The following NCK2 variants were observed in gnomAD, a reference collection of about 807,000 sequenced individuals.
NCK2 encodes NCK adaptor protein 2.
A neutral mutation model predicts 33.9 loss-of-function variants in NCK2; 16 were observed. The ratio of observed to expected loss-of-function variants is 0.47; its 90% confidence interval spans 0.32 to 0.72. NCK2 has a LOEUF of 0.72. NCK2 is among the 30% of genes least tolerant of loss of function. The probability of loss-of-function intolerance (pLI) is 0.03; values close to 1 mark genes in which losing one functional copy is unlikely to be tolerated. For missense variants in NCK2, 418 were observed against 537.3 expected, an observed-to-expected ratio of 0.78 and a Z score of 2.19; for synonymous variants, 273 against 239.9, an observed-to-expected ratio of 1.14 and a Z score of -1.27.
At chr2:105,840,041 A>G (rs1469240572) in intron 2 of NCK2, among the ~76,000 whole-genome samples, 1 of 152,160 alleles carries the variant, frequency 6.6e-6, no homozygotes, top group Admixed American at 6.5e-5. Context: ...CAATTAGTGG[A>G]GGCTCAAAGA....
intron 2 of NCK2, among the ~76,000 whole-genome samples, chr2:105,843,324 C>A (rs528072166): frequency 6.7e-6 from 1 of 149,884 alleles, no homozygotes; most frequent in Non-Finnish European, 1.5e-5. Context: ...GTTTTGGATT[C>A]GGAGCATTTT....
At chr2:105,869,768 G>A (rs1043851650) in intron 3 of NCK2, among the ~76,000 whole-genome samples, 1 of 152,076 alleles carries the variant, frequency 6.6e-6, no homozygotes, top group Non-Finnish European at 1.5e-5. Context: ...TGGGCTCATG[G>A]ATCTGGTATA....
intron 1 of NCK2, among the ~76,000 whole-genome samples, chr2:105,776,435 G>A (rs549012767): frequency 6.5e-4 from 99 of 152,266 alleles, no homozygotes; most frequent in South Asian, 4.1e-3. Context: ...CAGGGTGGCC[G>A]CCCTCCAGGG....
chr2:105,759,549 A>G (rs1461462121), intron 1 of NCK2, among the ~76,000 whole-genome samples: 1 of 152,246 alleles, frequency 6.6e-6, no homozygotes, highest in Non-Finnish European at 1.5e-5. Flanking sequence ...AGTTTCAAAG[A>G]TAATACAGAG....
intron 1 of NCK2, among the ~76,000 whole-genome samples, chr2:105,779,710 A>G (rs556178409): frequency 6.6e-6 from 1 of 152,094 alleles, no homozygotes; most frequent in South Asian, 2.1e-4. Flanking sequence ...TTTTCCCACT[A>G]ATCAGCTTTT....
At chr2:105,763,220 A>G (rs1689824200) in intron 1 of NCK2, among the ~76,000 whole-genome samples, 2 of 151,996 alleles carry the variant, frequency 1.3e-5, no homozygotes, top group Admixed American at 1.3e-4. Context: ...AAACAAAAGC[A>G]CCCTGAGGAG....
intron 3 of NCK2, among the ~76,000 whole-genome samples, chr2:105,879,342 A>G (rs981891551): frequency 6.6e-6 from 1 of 152,178 alleles, no homozygotes; most frequent in Non-Finnish European, 1.5e-5. Flanking sequence ...TGCCTTCTGG[A>G]CAAAAAAGTT....
chr2:105,862,029 G>T (rs1481720769), intron 3 of NCK2, among the ~76,000 whole-genome samples: 1 of 151,354 alleles, frequency 6.6e-6, no homozygotes, highest in Non-Finnish European at 1.5e-5. Context: ...ACTGCAACCA[G>T]GGAAGGCAGC....
chr2:105,748,889 G>A (rs538422382), intron 1 of NCK2, among the ~76,000 whole-genome samples: 1 of 152,292 alleles, frequency 6.6e-6, no homozygotes, highest in South Asian at 2.1e-4. Context: ...AGATTCAAGT[G>A]GTAAGAGACC....
intron 1 of NCK2, among the ~76,000 whole-genome samples, chr2:105,766,145 C>T (rs1478923473): frequency 6.6e-6 from 1 of 151,988 alleles, no homozygotes; most frequent in Non-Finnish European, 1.5e-5. Context: ...AGGGGAGGCG[C>T]AGGTGGGGCT....
At chr2:105,806,118 A>G (rs889916158) in intron 1 of NCK2, among the ~76,000 whole-genome samples, 6 of 152,038 alleles carry the variant, frequency 3.9e-5, no homozygotes, top group African/African-American at 7.3e-5. Flanking sequence ...GTGCTCAAAA[A>G]TTATCAGATT....
intron 3 of NCK2, 125 bp from the exon 4 acceptor site, chr2:105,881,203 G>A: frequency 1.5e-6 from 2 of 1,310,798 alleles, no homozygotes; most frequent in Non-Finnish European, 2.0e-6. Context: ...CAGTTTGTAA[G>A]CACTGTCCAT....
chr2:105,750,707 T>G (rs898927652), intron 1 of NCK2, among the ~76,000 whole-genome samples: 3 of 152,264 alleles, frequency 2.0e-5, no homozygotes, highest in African/African-American at 7.2e-5. Flanking sequence ...TGACTTGATT[T>G]CATTTATGGA....
Position 105,881,768 on chromosome 2 carries a change from G to A in NCK2, c.667G>A (p.Glu223Lys), listed in dbSNP as rs972066107. 6.2e-7 allele frequency: 1 copy of A among 1,614,210 alleles called. No homozygotes were observed. Among genetic ancestry groups the A allele is most frequent in the East Asian group, 2.2e-5 (1 of 44,882 alleles). Reference protein sequence around the residue: ...ELNFEKGETMEVIEKPENDPE... With the variant: ...ELNFEKGETMKVIEKPENDPE... ...CAACTTCGAGAAGGGGGAGACCATGGAGGTGATTGAGAAGCCGGAGAACGA... is the reference window on the plus strand; with the variant it reads ...CAACTTCGAGAAGGGGGAGACCATGAAGGTGATTGAGAAGCCGGAGAACGA... The change falls in exon 4 of 5, where the codon GAG becomes AAG. Residue 223 changes from glutamate to lysine, a missense_variant. Glu to Lys is a moderately conservative substitution (Grantham distance 56). Transcript: ENST00000233154.
In NCK2 at chr2:105,841,550, A is replaced by C. The variant is rs190737165; in HGVS notation, c.-16-13498A>C. Among the ~76,000 whole-genome samples, 98 of 152,290 alleles carry C rather than the reference A, an allele frequency of 6.4e-4. 1 individual carries two copies. The highest frequency in any genetic ancestry group is 1.6e-3 in the Admixed American group (25 of 15,304). On this transcript the variant is annotated intron_variant, in intron 2 of 4. Transcript: ENST00000233154. ...CTTTTTGGGTTTTTATGGAAGCTTC[A>C]TTGCATAGGCATGACTGGTTAAACC...
intron 1 of NCK2, among the ~76,000 whole-genome samples, chr2:105,770,567 A>G (rs1248986033): frequency 6.6e-6 from 1 of 152,186 alleles, no homozygotes; most frequent in African/African-American, 2.4e-5. Flanking sequence ...AATATCTGTC[A>G]TTTTTAGAGT....
At chr2:105,834,775 G>T (rs1676325958) in intron 2 of NCK2, among the ~76,000 whole-genome samples, 1 of 151,932 alleles carries the variant, frequency 6.6e-6, no homozygotes, top group Non-Finnish European at 1.5e-5. Context: ...TTAAGTGACT[G>T]CCCCCCTGCT....
At chr2:105,772,905 T>G (rs2104384482) in intron 1 of NCK2, among the ~76,000 whole-genome samples, 1 of 151,262 alleles carries the variant, frequency 6.6e-6, no homozygotes. Flanking sequence ...ATTTTTTTTT[T>G]TTTTTTGAGA....
At chr2:105,774,188 TA>T (rs1283442935) in intron 1 of NCK2, among the ~76,000 whole-genome samples, 1 of 151,942 alleles carries the variant, frequency 6.6e-6, no homozygotes, top group Non-Finnish European at 1.5e-5. Context: ...TTTGTATTTT[TA>T]GTAGAGACAG....
Sources: gnomAD v4.1 joint callset for allele counts (sites outside exome capture counted in the v4.1 genomes callset) on GRCh38, gnomAD v4.1.1 for gene constraint, MANE v1.5 for transcripts, NCBI Gene and HGNC (gene_info 2026-07-23, HGNC 2026-07-21) for gene names.